The following TMEM131 variants were observed in gnomAD, a reference collection of about 807,000 sequenced individuals.
TMEM131 encodes 2610524E03Rik.
TMEM131 carries 66 observed loss-of-function variants against 211.6 expected under a neutral mutation model. That is an observed-to-expected ratio of 0.31 (90% confidence interval 0.26 to 0.38). The LOEUF is 0.38. Among genes scored for constraint, TMEM131 ranks in the 10% least tolerant of loss-of-function variants. The pLI, the probability that TMEM131 is intolerant of heterozygous loss-of-function variation, is 1.00. For missense variants in TMEM131, 2,036 were observed against 2,299.3 expected (o/e 0.89, Z 2.34); for synonymous variants, 844 against 841.3 (o/e 1.00, Z -0.06).
At chr2:97,886,392 C>A (rs960019307) in intron 4 of TMEM131, among the ~76,000 whole-genome samples, 2 of 151,980 alleles carry the variant, frequency 1.3e-5, no homozygotes, top group African/African-American at 2.4e-5. Context: ...TCATTTCTTC[C>A]AATTTTATGG....
intron 2 of TMEM131, among the ~76,000 whole-genome samples, chr2:97,915,179 C>T (rs1183465754): frequency 6.6e-6 from 1 of 152,210 alleles, no homozygotes. Flanking sequence ...TCCCTGTTTC[C>T]TTTATTTTTA....
At chr2:97,934,178 A>G (rs1019962255) in intron 1 of TMEM131, among the ~76,000 whole-genome samples, 1 of 152,224 alleles carries the variant, frequency 6.6e-6, no homozygotes, top group Admixed American at 6.5e-5. Context: ...AAGTTGCAGA[A>G]TACAAGGTCT....
At chr2:97,856,664 C>T (rs752521543) in intron 5 of TMEM131, among the ~76,000 whole-genome samples, 19 of 152,124 alleles carry the variant, frequency 1.2e-4, no homozygotes, top group African/African-American at 1.7e-4. Context: ...TTGCTCTCCT[C>T]GACATAAGAA....
intron 1 of TMEM131, among the ~76,000 whole-genome samples, chr2:97,961,397 A>C (rs556951374): frequency 4.4e-4 from 67 of 152,310 alleles, no homozygotes; most frequent in Non-Finnish European, 7.6e-4. Flanking sequence ...ATGAGAGATA[A>C]ATACTGTTTA....
Position 97,792,690 on chromosome 2 carries a change from G to C in TMEM131, c.3840C>G (p.Ser1280=), listed in dbSNP as rs1030856583. ...VTQGHTAGRK[S]KGAKQSQHGS... is the part of the protein sequence containing the mutation. ...CGTGCTGGCTCTGCTTTGCCCCTTT[G>C]GACTTTCTGCCCGCTGTATGACCTT... The change falls in exon 31 of 41, where the codon TCC becomes TCG. Residue 1280 remains serine, a synonymous_variant. Transcript: ENST00000186436. 2 of 1,614,004 alleles carry C rather than the reference G, an allele frequency of 1.2e-6. No individual in the cohort carries two copies. Among genetic ancestry groups the C allele is most frequent in the South Asian group, 1.1e-5 (1 of 91,078 alleles).
chr2:97,785,771 T>C (rs1470263973), intron 31 of TMEM131, among the ~76,000 whole-genome samples: 1 of 152,214 alleles, frequency 6.6e-6, no homozygotes, highest in Non-Finnish European at 1.5e-5. Context: ...AATCCAAATG[T>C]TCTTCAATGA....
intron 4 of TMEM131, among the ~76,000 whole-genome samples, chr2:97,871,276 C>CT (rs2105223251): frequency 6.6e-6 from 1 of 152,346 alleles, no homozygotes; most frequent in South Asian, 2.1e-4. Flanking sequence ...CGCCATCTTG[C>CT]TTCTGACCTC....
intron 25 of TMEM131, among the ~76,000 whole-genome samples, chr2:97,799,865 A>G (rs909877409): frequency 1.3e-5 from 2 of 152,214 alleles, no homozygotes; most frequent in African/African-American, 2.4e-5. Context: ...TCAAAACAAT[A>G]TATCAAGAGA....
chr2:97,836,199 G>A (rs533523698), intron 8 of TMEM131, among the ~76,000 whole-genome samples: 2 of 152,106 alleles, frequency 1.3e-5, no homozygotes, highest in Non-Finnish European at 2.9e-5. Context: ...CCAAATAACT[G>A]GCTGATAAAT....
intron 1 of TMEM131, among the ~76,000 whole-genome samples, chr2:97,991,577 G>C (rs1459018980): frequency 6.6e-6 from 1 of 152,130 alleles, no homozygotes; most frequent in African/African-American, 2.4e-5. Context: ...ACACACACAG[G>C]GAGGAAGACA....
intron 1 of TMEM131, among the ~76,000 whole-genome samples, chr2:97,956,572 A>G (rs1273210834): frequency 6.6e-6 from 1 of 152,192 alleles, no homozygotes; most frequent in Non-Finnish European, 1.5e-5. Flanking sequence ...TAAAGTTTGG[A>G]AAATTTTCTT....
At chr2:97,924,863 G>A (rs1676914276) in intron 2 of TMEM131, among the ~76,000 whole-genome samples, 1 of 152,114 alleles carries the variant, frequency 6.6e-6, no homozygotes, top group African/African-American at 2.4e-5. Flanking sequence ...AAATTTAAGG[G>A]ACTTGAACTC....
At chr2:97,954,616 C>A (rs1010936086) in intron 1 of TMEM131, among the ~76,000 whole-genome samples, 6 of 152,048 alleles carry the variant, frequency 3.9e-5, no homozygotes, top group African/African-American at 1.4e-4. Flanking sequence ...ACCAGCCTTA[C>A]CAACATGGTG....
At chr2:97,768,504 C>T (rs1389935979) in intron 33 of TMEM131, among the ~76,000 whole-genome samples, 1 of 152,182 alleles carries the variant, frequency 6.6e-6, no homozygotes, top group Non-Finnish European at 1.5e-5. Context: ...TTTGCTGATT[C>T]ATACTTTCCT....
At chr2:97,854,045 C>A (rs1000961891) in intron 5 of TMEM131, among the ~76,000 whole-genome samples, 2 of 152,158 alleles carry the variant, frequency 1.3e-5, no homozygotes, top group African/African-American at 4.8e-5. Context: ...GCATTGCACG[C>A]TACAGAGAAA....
rs561187468 is a variant in TMEM131 at position 97,940,961 on chromosome 2, T to C, written c.188-13474A>G. On this transcript the variant is annotated intron_variant, in intron 1 of 40. Transcript: ENST00000186436. ...CTACCAATGACTTTCTTCACAGGAT[T>C]GGAAAATACTACTTTAAAGTTCATA... Among the ~76,000 whole-genome samples the C allele has an allele frequency of 2.6e-5, 4 of 152,248 alleles. No homozygotes were observed. In the East Asian group the frequency reaches 7.7e-4, roughly 29 times the overall value.
intron 3 of TMEM131, among the ~76,000 whole-genome samples, chr2:97,902,190 GGAGAAGGATGAA>G (rs1289134903): frequency 6.6e-6 from 1 of 151,984 alleles, no homozygotes; most frequent in Non-Finnish European, 1.5e-5. Flanking sequence ...TGTGGGGGTG[GGAGAAGGATGAA>G]GAGAAAGATG....
chr2:97,889,834 A>G (rs1399082254), intron 3 of TMEM131, among the ~76,000 whole-genome samples: 1 of 152,134 alleles, frequency 6.6e-6, no homozygotes, highest in East Asian at 1.9e-4. Flanking sequence ...GGCTGGGGCT[A>G]CAGTGGGGAA....
intron 32 of TMEM131, among the ~76,000 whole-genome samples, chr2:97,773,220 A>G (rs1166899563): frequency 8.5e-5 from 13 of 152,198 alleles, no homozygotes; most frequent in Non-Finnish European, 1.9e-4. Flanking sequence ...GTTTAATGCT[A>G]AGCTAACAGC....
Sources: gnomAD v4.1 joint callset for allele counts (sites outside exome capture counted in the v4.1 genomes callset) on GRCh38, gnomAD v4.1.1 for gene constraint, MANE v1.5 for transcripts, NCBI Gene and HGNC (gene_info 2026-07-23, HGNC 2026-07-21) for gene names.